Variants in COL27A1 observed in about 807,000 individuals in gnomAD.
The protein encoded by COL27A1 is collagen type XXVII alpha 1 chain, also known as collagen alpha-1(XXVII) chain.
In COL27A1, 106 loss-of-function variants were observed where a neutral mutation model predicts 251.3. The ratio of observed to expected loss-of-function variants is 0.42; its 90% CI spans 0.36 to 0.50. The LOEUF (loss-of-function observed/expected upper bound fraction) is 0.50, where lower values mean the gene tolerates loss of function less well. Ranked by LOEUF, COL27A1 falls within the 20% of genes least tolerant of loss-of-function variation. The pLI is 0.00. For synonymous variants in COL27A1, 1,000 were observed against 986.3 expected (o/e 1.01, Z -0.26); for missense variants, 2,325 against 2,522.8 (o/e 0.92, Z 1.68).
At chr9:114,263,313 T>A (rs1834486607) in intron 28 of COL27A1, among the ~76,000 whole-genome samples, 2 of 152,066 alleles carry the variant, frequency 1.3e-5, no homozygotes, top group Admixed American at 1.3e-4. Flanking sequence ...TTCCCCATCC[T>A]CTCCCACCTA....
Position 114,290,152 on chromosome 9 carries a change from C to CCCCCCCCCCCCCCCCCCCCCA in COL27A1, c.4260+42_4260+43insCCCCCCCCCCCCCCCCCCCAC. On this transcript the variant is annotated intron_variant, in intron 46 of 60. Transcript: ENST00000356083. This position sits in a 1 kb window ranked among gnomAD's most constrained non-coding sequence, Gnocchi z 4.6. ...TGCTGTTTCCAGCCAACCTCCCTGC[C>CCCCCCCCCCCCCCCCCCCCCA]CGCCCCCCACACCCGCCCTCCTCCC... 1 of 1,581,804 alleles carries CCCCCCCCCCCCCCCCCCCCCA rather than the reference C, an allele frequency of 6.3e-7. No individual in the cohort carries two copies. The highest frequency in any genetic ancestry group is 8.7e-7 in the Non-Finnish European group (1 of 1,155,626).
chr9:114,234,794 C>T (rs1588721024), intron 16 of COL27A1, among the ~76,000 whole-genome samples: 1 of 151,940 alleles, frequency 6.6e-6, no homozygotes, highest in East Asian at 1.9e-4. Context: ...TAGAAGTAGA[C>T]CGGCCAGGCA....
intron 3 of COL27A1, among the ~76,000 whole-genome samples, chr9:114,172,281 A>G (rs1471288919): frequency 6.6e-6 from 1 of 152,074 alleles, no homozygotes; most frequent in African/African-American, 2.4e-5. Context: ...ACCCCCATAT[A>G]TATCCAGGAT....
At position 114,304,674 on chromosome 9, in the gene COL27A1, G is replaced by A. The variant is rs1432130710; in HGVS notation, c.4938+1G>A. On this transcript the variant is annotated splice_donor_variant, in intron 57 of 60. Transcript: ENST00000356083. LOFTEE classifies it high-confidence loss of function. The stretch of plus-strand genomic sequence containing the variant: ...CACCAGTGGAGCACTCAGGCCAGAG[G>A]TATCTCCAGGGGCTCTCCCCATGTG... 1.2e-6 allele frequency: 2 copies of A among 1,613,772 alleles called. No homozygotes were observed. The highest frequency in any genetic ancestry group is 1.7e-6 in the Non-Finnish European group (2 of 1,179,702).
At position 114,178,061 on chromosome 9, in the gene COL27A1, G is replaced by A. The variant is rs147519335; in HGVS notation, c.1909-230G>A. ...TTTTCTGGAGAAGGTGACACCCTAA[G>A]TTAGCTGGGTGATAAATGATGAGGG... On this transcript the variant is annotated intron_variant, in intron 3 of 60. Coordinates refer to ENST00000356083, the MANE Select transcript of COL27A1 (RefSeq NM_032888.4). Among the ~76,000 whole-genome samples the A allele has an allele frequency of 3.3e-3, 499 of 152,342 alleles. 1 individual carries two copies. The highest frequency in any genetic ancestry group is 5.5e-3 in the Non-Finnish European group (376 of 68,036).
chr9:114,263,975 T>C (rs1834539997), intron 28 of COL27A1, among the ~76,000 whole-genome samples: 1 of 152,192 alleles, frequency 6.6e-6, no homozygotes, highest in African/African-American at 2.4e-5. Context: ...GAATGGCACA[T>C]GGCAGCAGAG....
At chr9:114,225,653 A>G (rs756989206) in intron 14 of COL27A1, among the ~76,000 whole-genome samples, 6 of 152,250 alleles carry the variant, frequency 3.9e-5, no homozygotes, top group African/African-American at 7.2e-5. Flanking sequence ...TGAGTCACCT[A>G]CGGTTTTCCA....
rs554856143 is a variant in COL27A1, at chr9:114,263,845, G to C, written c.3196-510G>C. Among the ~76,000 whole-genome samples the C allele has an allele frequency of 2.6e-4, 39 of 152,264 alleles. 1 individual carries two copies. The highest frequency in any genetic ancestry group is 4.6e-4 in the Admixed American group (7 of 15,304). On this transcript the variant is annotated intron_variant, in intron 28 of 60. Transcript: ENST00000356083. ...TTCCTCTGTGAGCTGGGCTGTATTC[G>C]TTGTACGTCTGGCTAGAGATGGGGC...
chr9:114,309,369 G>T lies in COL27A1; in HGVS notation c.5327G>T (p.Gly1776Val), dbSNP rs768118468. The change falls in exon 60 of 61, where the codon GGC becomes GTC. Residue 1776 changes from glycine to valine, a missense_variant. This residue lies in a region of COL27A1 where 327 missense variants were observed against 442.8 expected (regional missense o/e 0.74). Coordinates refer to ENST00000356083, the MANE Select transcript of COL27A1 (RefSeq NM_032888.4). ...HCLNMTVWQE[G>V]TGQTPAKQAV... is the part of the protein sequence containing the mutation. ...CTTAACATGACCGTGTGGCAGGAGG[G>T]CACTGGGCAGACCCCAGCCAAGCAG... 4 of 1,613,936 alleles carry T rather than the reference G, an allele frequency of 2.5e-6. No individual in the cohort carries two copies. The highest frequency in any genetic ancestry group is 1.7e-5 in the Admixed American group (1 of 60,004).
intron 5 of COL27A1, among the ~76,000 whole-genome samples, chr9:114,191,797 C>T (rs1828767171): frequency 6.6e-6 from 1 of 152,208 alleles, no homozygotes; most frequent in Non-Finnish European, 1.5e-5. Flanking sequence ...GGACAAGTGA[C>T]TTATTCCTAC....
chr9:114,292,569 AAAGAAGG>A (rs1355209135), intron 49 of COL27A1, among the ~76,000 whole-genome samples: 1 of 152,190 alleles, frequency 6.6e-6, no homozygotes, highest in Non-Finnish European at 1.5e-5. Flanking sequence ...TTGCCTGGAA[AAAGAAGG>A]AAGAATGAAC....
At chr9:114,245,400 G>A (rs1328637537) in intron 23 of COL27A1, among the ~76,000 whole-genome samples, 1 of 151,918 alleles carries the variant, frequency 6.6e-6, no homozygotes, top group Non-Finnish European at 1.5e-5. Context: ...CAGGTGATTC[G>A]CCTGCCTCGG....
At chr9:114,284,895 C>G in intron 41 of COL27A1, 118 bp downstream of exon 41, 1 of 1,089,228 alleles carries the variant, frequency 9.2e-7, no homozygotes, top group Non-Finnish European at 1.4e-6. Context: ...TGTGGGGGCT[C>G]ACCCCCTGCA....
rs535017491 is a variant in COL27A1 at position 114,271,468 on chromosome 9, G to A, written c.3609+687G>A. ...ATACATTCAGGACCTATGGCTATGA[G>A]TGAGGATCCAAAATTCAAACCCACG... On this transcript the variant is annotated intron_variant, in intron 36 of 60. Coordinates refer to ENST00000356083, the MANE Select transcript of COL27A1 (RefSeq NM_032888.4). The A allele has an allele frequency of 2.0e-5, 3 of 152,534 alleles. No individual in the cohort carries two copies. The East Asian group carries it at 5.8e-4, about 29-fold the overall frequency. 9.4% of individuals were successfully genotyped at this position (152,534 alleles called of 1,614,324 possible).
At chr9:114,221,010 AAAG>A (rs1039277932) in intron 13 of COL27A1, among the ~76,000 whole-genome samples, 6 of 151,576 alleles carry the variant, frequency 4.0e-5, no homozygotes, top group African/African-American at 1.5e-4. Flanking sequence ...AAAAAAAAAA[AAAG>A]AAGCCGTTGT....
At chr9:114,162,883 C>A in intron 2 of COL27A1, 98 bp downstream of exon 2, 1 of 782,292 alleles carries the variant, frequency 1.3e-6, no homozygotes. Context: ...AATTGGAACT[C>A]AATGCCTCAG....
At chr9:114,211,084 C>A in intron 12 of COL27A1, 58 bp downstream of exon 12, 1 of 1,555,718 alleles carries the variant, frequency 6.4e-7, no homozygotes, top group Non-Finnish European at 8.9e-7. Context: ...CCTCCCACGG[C>A]CACGCTGCCC....
At chr9:114,204,032 T>C (rs769006711) in intron 7 of COL27A1, among the ~76,000 whole-genome samples, 1 of 152,068 alleles carries the variant, frequency 6.6e-6, no homozygotes, top group Non-Finnish European at 1.5e-5. Flanking sequence ...CGGCAGCACA[T>C]AGAGAGGGTC....
intron 5 of COL27A1, among the ~76,000 whole-genome samples, chr9:114,184,157 G>GCT (rs1156848586): frequency 1.3e-5 from 2 of 152,196 alleles, no homozygotes; most frequent in Admixed American, 6.5e-5. Context: ...GGGCCTCCCA[G>GCT]CTCAGCCTGT....
Sources: gnomAD v4.1 joint callset for allele counts (sites outside exome capture counted in the v4.1 genomes callset) on GRCh38, gnomAD v4.1.1 for gene constraint, gnomAD v4.1.1 regional missense constraint, Gnocchi (gnomAD v3.1) non-coding constraint, MANE v1.5 for transcripts, NCBI Gene and HGNC (gene_info 2026-07-23, HGNC 2026-07-21) for gene names.